Variants in DMXL1 observed in about 807,000 individuals in gnomAD.
The protein encoded by DMXL1 is dmX-like protein 1.
In DMXL1, 99 loss-of-function variants were observed where a neutral mutation model predicts 319.2. The observed-to-expected ratio is 0.31, with a 90% CI of 0.26 to 0.37. DMXL1 has a LOEUF of 0.37. Among genes scored for constraint, DMXL1 ranks in the 10% least tolerant of loss-of-function variants. The probability of loss-of-function intolerance (pLI) is 1.00; values close to 1 mark genes in which losing one functional copy is unlikely to be tolerated. For missense variants in DMXL1, 3,745 were observed against 3,595.6 expected, an observed-to-expected ratio of 1.04 and a Z score of -1.06; for synonymous variants, 1,385 against 1,235.2, an observed-to-expected ratio of 1.12 and a Z score of -2.54.
intron 1 of DMXL1, among the ~76,000 whole-genome samples, chr5:119,078,939 C>G (rs1021118660): frequency 1.3e-5 from 2 of 152,160 alleles, no homozygotes; most frequent in African/African-American, 4.8e-5. Flanking sequence ...TTGCCAGTAT[C>G]CTTTAACTGT....
chr5:119,153,083 T>A (rs1770192142), intron 19 of DMXL1, among the ~76,000 whole-genome samples: 1 of 152,046 alleles, frequency 6.6e-6, no homozygotes, highest in Admixed American at 6.5e-5. Context: ...TTCAACTGAT[T>A]CTCCTGCCTC....
intron 35 of DMXL1, among the ~76,000 whole-genome samples, chr5:119,220,010 C>T (rs1784382930): frequency 7.1e-6 from 1 of 140,102 alleles, no homozygotes; most frequent in Non-Finnish European, 1.6e-5. Flanking sequence ...TTTCCCACTT[C>T]TTTTTTTTTT....
In DMXL1 at chr5:119,142,518, A is replaced by G. The variant is rs865889241; in HGVS notation, c.2377-1323A>G. Among the ~76,000 whole-genome samples the G allele has an allele frequency of 2.3e-3, 276 of 119,830 alleles. 1 individual carries two copies. Among genetic ancestry groups the G allele is most frequent in the Middle Eastern group, 8.1e-3 (2 of 248 alleles). 78.6% of individuals were successfully genotyped at this position (119,830 alleles called of 152,430 possible). A position where few individuals can be genotyped will look rare whatever the true frequency, so the allele number is the denominator to read the frequency against. Reference sequence around the variant, plus strand: ...GTCAGAATGGCTATTATTAAAAAGTAAAAAAAAAAAAAAAAAAAAAGATGC... The same window carrying G: ...GTCAGAATGGCTATTATTAAAAAGTGAAAAAAAAAAAAAAAAAAAAGATGC... On this transcript the variant is annotated intron_variant, in intron 13 of 43. Transcript: ENST00000539542.
chr5:119,164,373 C>T (rs1413186347), intron 19 of DMXL1, 134 bp from the exon 20 acceptor site: 5 of 767,244 alleles, frequency 6.5e-6, no homozygotes, highest in Non-Finnish European at 9.9e-6. Context: ...TTAAAAAAGC[C>T]CATATTTCCA....
At chr5:119,245,693 C>T (rs1789620608) in intron 43 of DMXL1, among the ~76,000 whole-genome samples, 1 of 152,072 alleles carries the variant, frequency 6.6e-6, no homozygotes, top group Non-Finnish European at 1.5e-5. Context: ...GCGTGCGCCA[C>T]TACACCCTGC....
At chr5:119,072,546 AT>A (rs1365500347) in intron 1 of DMXL1, among the ~76,000 whole-genome samples, 14 of 152,318 alleles carry the variant, frequency 9.2e-5, no homozygotes, top group East Asian at 3.9e-4. Context: ...TTTAAAAAAA[AT>A]AAAAGTAAAA....
intron 10 of DMXL1, chr5:119,132,508 G>A (rs1326991571): frequency 2.6e-5 from 6 of 233,072 alleles, no homozygotes; most frequent in East Asian, 1.2e-4. Context: ...GTGAAACCCC[G>A]TCTCTACTAA....
chr5:119,196,965 G>C (rs1435742010), intron 31 of DMXL1, among the ~76,000 whole-genome samples: 1 of 152,100 alleles, frequency 6.6e-6, no homozygotes, highest in Non-Finnish European at 1.5e-5. Flanking sequence ...TTATGCCGTA[G>C]TAGTAAATCA....
intron 1 of DMXL1, among the ~76,000 whole-genome samples, chr5:119,088,528 G>A (rs79938572): frequency 0.033 from 4,973 of 152,212 alleles, 257 homozygotes; most frequent in African/African-American, 0.11. Flanking sequence ...TACTACTAGC[G>A]TTTTGTTGTT....
chr5:119,247,949 C>T lies in DMXL1; in HGVS notation c.*730C>T, dbSNP rs971260155. 1.3e-5 allele frequency: 2 copies of T among 151,826 alleles called. No individual in the cohort carries two copies. The highest frequency in any genetic ancestry group is 2.4e-5 in the African/African-American group (1 of 41,326). 9.4% of individuals were successfully genotyped at this position (151,826 alleles called of 1,614,324 possible). On this transcript the variant is annotated 3_prime_UTR_variant, in exon 44 of 44. Transcript: ENST00000539542. ...ACTTTTTTTTTGCAACTGTGCTTTTCATTTTTAAAAAATTTTTGAATTCCC... is the reference window on the plus strand; with the variant it reads ...ACTTTTTTTTTGCAACTGTGCTTTTTATTTTTAAAAAATTTTTGAATTCCC...
chr5:119,100,936 C>T (rs1757131491), intron 2 of DMXL1, among the ~76,000 whole-genome samples: 1 of 128,244 alleles, frequency 7.8e-6, no homozygotes, highest in Non-Finnish European at 1.7e-5. Context: ...CCTGCCATCG[C>T]CCGGCTAATT....
chr5:119,194,405 C>A (rs775839488), intron 30 of DMXL1, among the ~76,000 whole-genome samples: 2 of 152,180 alleles, frequency 1.3e-5, no homozygotes, highest in Non-Finnish European at 2.9e-5. Context: ...TCAAAAAGTA[C>A]TCTGTATGTC....
In DMXL1 at chr5:119,193,970, G is replaced by A; in HGVS notation, c.7457G>A (p.Ser2486Asn). The change falls in exon 30 of 44, where the codon AGT (serine) becomes AAT (asparagine). Residue 2486 changes from serine to asparagine, a missense_variant and splice_region_variant. By Grantham distance (46) the Ser-to-Asn change is conservative. This residue lies in a region of DMXL1 where 1,382 missense variants were observed against 1,269.5 expected (regional missense o/e 1.09). Transcript: ENST00000539542. ...LQEHSNSNSY[S>N]WSLMRLAMVQ... ...GAACATTCTAATTCAAATTCATATA[G>A]GTATGGTATATTTTATTTTAAATTT... The A allele has an allele frequency of 6.4e-7, 1 of 1,554,708 alleles. No individual in the cohort carries two copies. Among genetic ancestry groups the A allele is most frequent in the Non-Finnish European group, 8.7e-7 (1 of 1,148,254 alleles).
chr5:119,075,738 A>C (rs1430881985), intron 1 of DMXL1, among the ~76,000 whole-genome samples: 8 of 151,722 alleles, frequency 5.3e-5, no homozygotes, highest in Admixed American at 5.3e-4. Context: ...AAAAAAAACA[A>C]AAAAAAATGG....
chr5:119,209,517 A>G (rs375433340), intron 34 of DMXL1, among the ~76,000 whole-genome samples: 1 of 151,474 alleles, frequency 6.6e-6, no homozygotes, highest in Non-Finnish European at 1.5e-5. Context: ...GCCCAGCTCA[A>G]TTTTATTTTT....
intron 5 of DMXL1, among the ~76,000 whole-genome samples, chr5:119,113,462 C>G (rs556199542): frequency 1.3e-5 from 2 of 152,138 alleles, no homozygotes; most frequent in Non-Finnish European, 2.9e-5. Flanking sequence ...AGGCTGGTCT[C>G]GAACTCCTGA....
intron 13 of DMXL1, among the ~76,000 whole-genome samples, chr5:119,140,456 A>G (rs1252775271): frequency 1.3e-5 from 2 of 152,176 alleles, no homozygotes; most frequent in African/African-American, 4.8e-5. Flanking sequence ...AAATAAAAAC[A>G]ATAATCAGAA....
chr5:119,186,747 G>C (rs572972181), intron 28 of DMXL1, among the ~76,000 whole-genome samples: 2 of 152,074 alleles, frequency 1.3e-5, no homozygotes, highest in Non-Finnish European at 2.9e-5. Flanking sequence ...TTCTGTTTTG[G>C]GTTCTTTGGG....
intron 6 of DMXL1, among the ~76,000 whole-genome samples, 191 bp from the exon 7 acceptor site, chr5:119,115,967 G>A (rs917267465): frequency 1.3e-5 from 2 of 152,104 alleles, no homozygotes; most frequent in African/African-American, 4.8e-5. Context: ...ACACACTTCA[G>A]TTTTTAAAGC....
Sources: allele counts gnomAD v4.1 joint callset (sites outside exome capture counted in the v4.1 genomes callset), GRCh38; gene constraint gnomAD v4.1.1; regional missense constraint gnomAD v4.1.1; transcripts MANE v1.5; gene names NCBI Gene and HGNC (gene_info 2026-07-23, HGNC 2026-07-21).